NLK: variants seen among roughly 807,000 people sequenced by gnomAD.
NLK encodes nemo like kinase, also known as serine/threonine-protein kinase NLK.
Under a neutral mutation model 59.0 loss-of-function variants are expected in NLK, and 11 were observed. That is an observed-to-expected ratio of 0.19 (90% CI 0.12 to 0.31). NLK has a LOEUF of 0.31. Ranked by LOEUF, NLK falls within the 10% of genes least tolerant of loss-of-function variation. The pLI is 1.00. For missense variants in NLK, 410 were observed against 661.1 expected, an observed-to-expected ratio of 0.62 and a Z score of 4.16; for synonymous variants, 235 against 235.9, an observed-to-expected ratio of 1.00 and a Z score of 0.03.
intron 1 of NLK, among the ~76,000 whole-genome samples, chr17:28,046,313 G>T (rs749141945): frequency 9.9e-5 from 15 of 152,168 alleles, no homozygotes; most frequent in Non-Finnish European, 2.2e-4. Context: ...TAGCTTGCTG[G>T]TAAGGATGGT....
At chr17:28,184,321 C>G (rs1405218869) in intron 7 of NLK, among the ~76,000 whole-genome samples, 1 of 152,176 alleles carries the variant, frequency 6.6e-6, no homozygotes, top group Non-Finnish European at 1.5e-5. Context: ...GCATGTGGCC[C>G]AGGTTTTAAA....
chr17:28,186,961 G>C (rs955840628), intron 8 of NLK, among the ~76,000 whole-genome samples: 1 of 152,156 alleles, frequency 6.6e-6, no homozygotes, highest in Admixed American at 6.5e-5. Context: ...TATTGAGCTA[G>C]TGATTTACTA....
chr17:28,047,677 CA>C (rs113774263), intron 1 of NLK, among the ~76,000 whole-genome samples: 1,782 of 152,192 alleles, frequency 0.012, 32 homozygotes, highest in African/African-American at 0.04. Context: ...AGTGATTTAA[CA>C]AAAAAATTAC....
intron 2 of NLK, 68 bp from the exon 3 acceptor site, chr17:28,132,552 T>G: frequency 8.4e-7 from 1 of 1,188,166 alleles, no homozygotes; most frequent in Non-Finnish European, 1.2e-6. Context: ...TAGTATTTAC[T>G]TGCATTTATG....
chr17:28,143,416 T>C (rs75694789), intron 3 of NLK, among the ~76,000 whole-genome samples: 1 of 152,328 alleles, frequency 6.6e-6, no homozygotes, highest in East Asian at 1.9e-4. Flanking sequence ...TATTTAATAT[T>C]GTAAGATTTC....
chr17:28,157,756 T>G (rs1907835661), intron 3 of NLK, among the ~76,000 whole-genome samples: 1 of 152,218 alleles, frequency 6.6e-6, no homozygotes, highest in Non-Finnish European at 1.5e-5. Flanking sequence ...TAACCGTAGG[T>G]AGGTTGTCTT....
At chr17:28,134,268 G>T (rs1323071863) in intron 3 of NLK, among the ~76,000 whole-genome samples, 1 of 151,836 alleles carries the variant, frequency 6.6e-6, no homozygotes, top group Non-Finnish European at 1.5e-5. Flanking sequence ...GGGTGTAGTG[G>T]CACATGCCTG....
At chr17:28,117,185 T>C (rs1285432645) in intron 1 of NLK, among the ~76,000 whole-genome samples, 3 of 152,328 alleles carry the variant, frequency 2.0e-5, no homozygotes, top group South Asian at 4.1e-4. Flanking sequence ...GGAGGAAGTC[T>C]CTGTATCTCC....
intron 1 of NLK, among the ~76,000 whole-genome samples, chr17:28,060,543 A>T (rs993601904): frequency 6.6e-6 from 1 of 152,190 alleles, no homozygotes; most frequent in African/African-American, 2.4e-5. Flanking sequence ...AAGTGCCGGG[A>T]TTACAAGCAT....
At chr17:28,065,446 C>T (rs1008168501) in intron 1 of NLK, among the ~76,000 whole-genome samples, 1 of 152,032 alleles carries the variant, frequency 6.6e-6, no homozygotes, top group Admixed American at 6.6e-5. Flanking sequence ...TGAATGTGAT[C>T]GCTAAGAGAT....
chr17:28,095,040 G>A (rs1347852713), intron 1 of NLK, among the ~76,000 whole-genome samples: 1 of 152,112 alleles, frequency 6.6e-6, no homozygotes, highest in Non-Finnish European at 1.5e-5. Context: ...TTTGGTGGTG[G>A]AGAATGTAGT....
At chr17:28,185,949 G>A (rs1381004536) in intron 8 of NLK, among the ~76,000 whole-genome samples, 4 of 151,986 alleles carry the variant, frequency 2.6e-5, no homozygotes, top group African/African-American at 9.7e-5. Context: ...TACCCTTTCT[G>A]GACTTGACTC....
At chr17:28,199,968 G>A (rs921053177), downstream of NLK, among the ~76,000 whole-genome samples, 20 of 152,114 alleles carry the variant, frequency 1.3e-4, no homozygotes, top group African/African-American at 4.6e-4. Context: ...AAGCTTCCCC[G>A]GAGAGCTGAA....
intron 1 of NLK, among the ~76,000 whole-genome samples, chr17:28,052,374 T>G (rs866109706): frequency 6.6e-6 from 1 of 152,212 alleles, no homozygotes; most frequent in Admixed American, 6.5e-5. Flanking sequence ...AACAAATTTC[T>G]TTCCAGGAGT....
chr17:28,187,856 A>ATTTATCTG (rs1290562134), intron 8 of NLK, among the ~76,000 whole-genome samples: 2 of 152,196 alleles, frequency 1.3e-5, no homozygotes, highest in African/African-American at 4.8e-5. Flanking sequence ...GGTAAGGAAG[A>ATTTATCTG]GTATATATTC....
intron 1 of NLK, among the ~76,000 whole-genome samples, chr17:28,110,393 C>A (rs140723686): frequency 1.7e-4 from 26 of 151,148 alleles, no homozygotes; most frequent in African/African-American, 6.3e-4. Context: ...TTTTCTCTTG[C>A]TATTTTTAGA....
At position 28,043,081 on chromosome 17, in the gene NLK, TCGGCAGCTGCGGCAGCCGCAG is replaced by T; in HGVS notation, c.210_230del (p.Ala77_Ala83del). On this transcript the variant is annotated inframe_deletion, in exon 1 of 11. Coordinates refer to ENST00000407008, the MANE Select transcript of NLK (RefSeq NM_016231.5). ...ACACCCTGTACAGCAGCACACCTCT[TCGGCAGCTGCGGCAGCCGCAG>T]CAGCGGCTGCAGCTGCAGCCATGTT... is the stretch of plus-strand genomic sequence containing the variant. 1.3e-6 allele frequency: 2 copies of T among 1,572,264 alleles called. No individual in the cohort carries two copies. The highest frequency in any genetic ancestry group is 1.7e-6 in the Non-Finnish European group (2 of 1,158,350).
Position 28,185,215 on chromosome 17 carries a change from G to T in NLK, c.1186G>T (p.Ala396Ser). ...TGTACTCTATACCCTGTCTAGCCAG[G>T]CTACACATGAAGCTGTTCATCTCCT... ...LPVLYTLSSQ[A>S]THEAVHLLCR... Residue 396 changes from alanine (A) to serine (S), a missense_variant, in exon 8 of 11, where the codon GCT (alanine) becomes TCT (serine). Around this residue, in one of 5 missense-constraint regions of NLK, gnomAD observed 150 missense variants for 244.3 expected, o/e 0.61. Transcript: ENST00000407008. The T allele has an allele frequency of 6.3e-7, 1 of 1,595,694 alleles. No individual in the cohort carries two copies. Among genetic ancestry groups the T allele is most frequent in the Non-Finnish European group, 8.5e-7 (1 of 1,170,174 alleles).
At chr17:28,191,822 A>T (rs1909317111) in intron 9 of NLK, among the ~76,000 whole-genome samples, 4 of 152,236 alleles carry the variant, frequency 2.6e-5, no homozygotes, top group Admixed American at 2.6e-4. Context: ...AACTTAGAAG[A>T]GTTCACCCAT....
Sources: allele counts gnomAD v4.1 joint callset (sites outside exome capture counted in the v4.1 genomes callset), GRCh38; gene constraint gnomAD v4.1.1; regional missense constraint gnomAD v4.1.1; transcripts MANE v1.5; gene names NCBI Gene and HGNC (gene_info 2026-07-23, HGNC 2026-07-21).